The following PRAMEF19 variants were observed in gnomAD, a reference collection of about 807,000 sequenced individuals.
PRAMEF19 encodes the protein PRAME family member-like.
A neutral mutation model predicts 33.1 loss-of-function variants in PRAMEF19; 21 were observed. That is an observed-to-expected ratio of 0.63 (90% CI 0.45 to 0.91). The LOEUF is 0.91. Ranked by LOEUF, PRAMEF19 falls within the 40% of genes least tolerant of loss-of-function variation. The pLI, the probability that PRAMEF19 is intolerant of heterozygous loss-of-function variation, is 0.00. For missense variants in PRAMEF19, 481 were observed against 585.2 expected, an observed-to-expected ratio of 0.82 and a Z score of 1.84; for synonymous variants, 179 against 229.3, an observed-to-expected ratio of 0.78 and a Z score of 1.98.
Position 13,369,420 on chromosome 1 carries a change from C to A in PRAMEF19, c.1087G>T (p.Asp363Tyr), listed in dbSNP as rs879044818. Residue 363 changes from aspartate (D) to tyrosine (Y), a missense_variant, in exon 3 of 3, where the codon GAC becomes TAC. By Grantham distance (160) the Asp-to-Tyr change is radical. Coordinates refer to ENST00000376101, the Ensembl canonical transcript of PRAMEF19. ...GGCAGGATGACCCTGAGTTTGGAGT[C>A]CCCAATCCCACAGTCCACTAAGAAG... 8.7e-3 allele frequency: 13,854 copies of A among 1,596,192 alleles called. 6 individuals are homozygous for A. Among genetic ancestry groups the A allele is most frequent in the Non-Finnish European group, 9.8e-3 (11,449 of 1,164,166 alleles).
At chr1:13,371,111 A>G in exon 2 of PRAMEF19, 1 of 1,612,282 alleles carries the variant, frequency 6.2e-7, no homozygotes, top group Non-Finnish European at 8.5e-7. Flanking sequence ...ACAGTCCTCC[A>G]CTGTCTGTCT....
exon 3 of PRAMEF19, chr1:13,369,173 C>A: frequency 6.2e-7 from 1 of 1,611,968 alleles, no homozygotes; most frequent in Non-Finnish European, 8.5e-7. Flanking sequence ...GTTGGGCTCC[C>A]TTACTTCCCT....
downstream of PRAMEF19, among the ~76,000 whole-genome samples, chr1:13,368,688 C>T (rs1455696222): frequency 1.1e-3 from 170 of 152,316 alleles, no homozygotes; most frequent in African/African-American, 3.6e-3. Context: ...CTGTCTAGGA[C>T]ACAGATCCCT....
chr1:13,369,315 G>A, exon 3 of PRAMEF19: 1 of 1,612,064 alleles, frequency 6.2e-7, no homozygotes. Flanking sequence ...GTGTGGCGCA[G>A]CAGGTCCTTC....
chr1:13,369,056 C>T (rs1394457214), downstream of PRAMEF19: 4 of 1,611,928 alleles, frequency 2.5e-6, no homozygotes, highest in East Asian at 2.2e-5. Flanking sequence ...GCTTTTTATA[C>T]CTCCACCCCA....
intron 1 of PRAMEF19, 39 bp from the exon 2 acceptor site, chr1:13,371,266 A>G: frequency 6.2e-7 from 1 of 1,611,912 alleles, no homozygotes; most frequent in South Asian, 1.1e-5. Context: ...AACGTAGACA[A>G]GGACCCACCC....
chr1:13,369,686 G>A (rs1640648395), intron 2 of PRAMEF19, 46 bp from the exon 3 acceptor site: 11 of 1,611,024 alleles, frequency 6.8e-6, no homozygotes, highest in Non-Finnish European at 7.6e-6. Context: ...ACCAGTTAGA[G>A]GACGGTGGTA....
exon 2 of PRAMEF19, chr1:13,371,044 T>C: frequency 6.2e-7 from 1 of 1,612,034 alleles, no homozygotes; most frequent in Non-Finnish European, 8.5e-7. Flanking sequence ...CCACGGATTT[T>C]TCCTTGAGGC....
At chr1:13,369,065 C>A (rs1462265778), downstream of PRAMEF19, 13 of 1,611,872 alleles carry the variant, frequency 8.1e-6, no homozygotes, top group Non-Finnish European at 1.1e-5. Flanking sequence ...ACCTCCACCC[C>A]ACTAGGCAGG....
At chr1:13,369,357 A>G (rs1640641377) in exon 3 of PRAMEF19, 2 of 1,612,170 alleles carry the variant, frequency 1.2e-6, no homozygotes, top group South Asian at 1.1e-5. Context: ...TTGCCGTGAA[A>G]GCAGAAAGTG....
In PRAMEF19 at chr1:13,371,536, C is replaced by T. The variant is rs1471813335; in HGVS notation, c.287+78G>A. ...CTGGCACCATCAGAAGCCCCTGGGCCACCCCAGGTTCCCAATTTGTCTGAC... is the reference window on the plus strand; with the variant it reads ...CTGGCACCATCAGAAGCCCCTGGGCTACCCCAGGTTCCCAATTTGTCTGAC... On this transcript the variant is annotated intron_variant, in intron 1 of 2. Coordinates refer to ENST00000376101, the Ensembl canonical transcript of PRAMEF19. 28 of 1,604,608 alleles carry T rather than the reference C, an allele frequency of 1.7e-5. 1 individual carries two copies. In the Middle Eastern group the frequency reaches 1.1e-3, roughly 65 times the overall value.
downstream of PRAMEF19, chr1:13,369,012 C>A (rs1272273740): frequency 6.2e-7 from 1 of 1,605,680 alleles, no homozygotes; most frequent in African/African-American, 1.3e-5. Context: ...ATATCTATGT[C>A]CTAGATTTTA....
chr1:13,370,241 A>T (rs1640653871), intron 2 of PRAMEF19, among the ~76,000 whole-genome samples: 2 of 152,284 alleles, frequency 1.3e-5, no homozygotes, highest in African/African-American at 4.8e-5. Context: ...CTCTTCTTTT[A>T]CACCCTCCCC....
chr1:13,369,644 G>C lies in PRAMEF19; in HGVS notation c.867-4C>G. The C allele has an allele frequency of 1.9e-6, 3 of 1,613,690 alleles. No homozygotes were observed. Among genetic ancestry groups the C allele is most frequent in the Admixed American group, 3.3e-5 (2 of 60,008 alleles). On this transcript the variant is annotated splice_region_variant and splice_polypyrimidine_tract_variant and intron_variant, in intron 2 of 2. Transcript: ENST00000376101. ...CTCCAACGGGCTCTTGAGGCACCTG[G>C]GGAGAGCAAGAAGTTAGTACTGGGC...
intron 1 of PRAMEF19, 39 bp downstream of exon 1, chr1:13,371,575 C>T (rs1640672781): frequency 3.1e-6 from 5 of 1,610,806 alleles, no homozygotes; most frequent in Non-Finnish European, 4.2e-6. Context: ...GCTGCTTAGT[C>T]CCTGGACACC....
intron 2 of PRAMEF19, among the ~76,000 whole-genome samples, chr1:13,370,315 C>G (rs1232229077): frequency 6.6e-6 from 1 of 152,234 alleles, no homozygotes; most frequent in Admixed American, 6.5e-5. Context: ...TTCACAAAAG[C>G]TATTCATACT....
chr1:13,370,940 A>T, exon 2 of PRAMEF19: 1 of 1,613,572 alleles, frequency 6.2e-7, no homozygotes, highest in Non-Finnish European at 8.5e-7. Context: ...GAAATTTAGA[A>T]TGTTCATTGA....
downstream of PRAMEF19, chr1:13,369,062 C>T: frequency 6.2e-7 from 1 of 1,612,026 alleles, no homozygotes; most frequent in Non-Finnish European, 8.5e-7. Flanking sequence ...TATACCTCCA[C>T]CCCACTAGGC....
At chr1:13,371,048 T>C in exon 2 of PRAMEF19, 1 of 1,612,082 alleles carries the variant, frequency 6.2e-7, no homozygotes, top group Non-Finnish European at 8.5e-7. Flanking sequence ...GGATTTTTCC[T>C]TGAGGCAAAC....
Sources: gnomAD v4.1 joint callset for allele counts (sites outside exome capture counted in the v4.1 genomes callset) on GRCh38, gnomAD v4.1.1 for gene constraint, MANE v1.5 for transcripts, NCBI Gene and HGNC (gene_info 2026-07-23, HGNC 2026-07-21) for gene names.